The following CFAP20DC variants were observed in gnomAD, a reference collection of about 807,000 sequenced individuals.
The protein encoded by CFAP20DC is CFAP20 domain containing.
A neutral mutation model predicts 101.7 loss-of-function variants in CFAP20DC; 84 were observed. That is an observed-to-expected ratio of 0.83 (90% CI 0.69 to 0.99). The LOEUF is 0.99. Ranked by LOEUF, CFAP20DC falls within the 50% of genes least tolerant of loss-of-function variation. The pLI, the probability that CFAP20DC is intolerant of heterozygous loss-of-function variation, is 0.00. For missense variants in CFAP20DC, 1,007 were observed against 970.3 expected (o/e 1.04, Z -0.50); for synonymous variants, 359 against 351.2 (o/e 1.02, Z -0.25).
At chr3:59,028,032 C>A (rs1305787197) in intron 4 of CFAP20DC, among the ~76,000 whole-genome samples, 1 of 152,156 alleles carries the variant, frequency 6.6e-6, no homozygotes, top group African/African-American at 2.4e-5. Context: ...GTTGACACCT[C>A]GACCCTGAAA....
intron 6 of CFAP20DC, among the ~76,000 whole-genome samples, chr3:58,887,656 G>A (rs3896363): frequency 0.1 from 15,197 of 152,148 alleles, 2,512 homozygotes; most frequent in African/African-American, 0.35. Flanking sequence ...AATCTTAAAC[G>A]TGGTTGACAT....
At position 58,836,525 on chromosome 3, in the gene CFAP20DC, C is replaced by T. The variant is rs149276627; in HGVS notation, c.1972-4636G>A. Among the ~76,000 whole-genome samples the T allele has an allele frequency of 7.2e-4, 110 of 152,166 alleles. 2 individuals are homozygous for T. The East Asian group carries it at 0.02, about 27-fold the overall frequency. ...AGTGGAGGTGTGGAGAAAAATGAGACATGGCCATGGGATAAGATCAGACCA... is the reference window on the plus strand; with the variant it reads ...AGTGGAGGTGTGGAGAAAAATGAGATATGGCCATGGGATAAGATCAGACCA... On this transcript the variant is annotated intron_variant, in intron 13 of 16. Coordinates refer to ENST00000482387, the MANE Select transcript of CFAP20DC (RefSeq NM_001394063.1).
At chr3:58,758,914 C>T (rs1044433395) in intron 15 of CFAP20DC, among the ~76,000 whole-genome samples, 2 of 152,116 alleles carry the variant, frequency 1.3e-5, no homozygotes, top group Non-Finnish European at 1.5e-5. Context: ...ATATGTGCCA[C>T]ATTTTCTTAA....
intron 4 of CFAP20DC, among the ~76,000 whole-genome samples, chr3:58,965,861 A>G (rs60350522): frequency 0.017 from 2,577 of 152,322 alleles, 69 homozygotes; most frequent in African/African-American, 0.058. Context: ...CGTGGCATAG[A>G]TGAAGAAGCA....
In CFAP20DC at chr3:58,809,767, G is replaced by A. The variant is rs191582492; in HGVS notation, c.2176-3311C>T. On this transcript the variant is annotated intron_variant, in intron 14 of 16. Transcript: ENST00000482387. Reference sequence around the variant, plus strand: ...TCAAAAATTAATGAATCCAGGAGCTGGTTTTTTGAAAGGATCAACAAAATT... The same window carrying A: ...TCAAAAATTAATGAATCCAGGAGCTAGTTTTTTGAAAGGATCAACAAAATT... Among the ~76,000 whole-genome samples, 855 of 152,180 alleles carry A rather than the reference G, an allele frequency of 5.6e-3. 5 individuals are homozygous for A. Among genetic ancestry groups the A allele is most frequent in the African/African-American group, 0.02 (822 of 41,522 alleles).
At chr3:58,809,532 CT>C (rs2107768431) in intron 14 of CFAP20DC, among the ~76,000 whole-genome samples, 1 of 152,088 alleles carries the variant, frequency 6.6e-6, no homozygotes, top group South Asian at 2.1e-4. Flanking sequence ...ATACCAGAAT[CT>C]CTGGGACGCA....
At chr3:58,889,334 C>G (rs3845228) in intron 6 of CFAP20DC, among the ~76,000 whole-genome samples, 1 of 152,088 alleles carries the variant, frequency 6.6e-6, no homozygotes, top group Non-Finnish European at 1.5e-5. Flanking sequence ...CCAATAGAAG[C>G]AGTATGAAAC....
chr3:58,929,853 TATG>T (rs2086395240), intron 5 of CFAP20DC, among the ~76,000 whole-genome samples: 1 of 152,206 alleles, frequency 6.6e-6, no homozygotes, highest in African/African-American at 2.4e-5. Context: ...TGAAGTTACT[TATG>T]ATTGCCACGC....
At chr3:58,806,276 A>C in intron 15 of CFAP20DC, 119 bp downstream of exon 15, 1 of 699,166 alleles carries the variant, frequency 1.4e-6, no homozygotes, top group Non-Finnish European at 2.5e-6. Flanking sequence ...AGGACTTTGA[A>C]AGAACATAAG....
chr3:58,735,268 C>T (rs776936592), intron 3 of CFAP20DC, among the ~76,000 whole-genome samples: 1 of 152,186 alleles, frequency 6.6e-6, no homozygotes, highest in African/African-American at 2.4e-5. Flanking sequence ...TATAATCTGA[C>T]ACCTGGGAAC....
intron 8 of CFAP20DC, 53 bp downstream of exon 8, chr3:58,870,120 T>C: frequency 1.1e-6 from 1 of 893,570 alleles, no homozygotes; most frequent in East Asian, 5.1e-5. Context: ...GAAGACACTC[T>C]TCCCTTACCA....
chr3:58,725,642 A>G (rs1575514001), intron 3 of CFAP20DC, among the ~76,000 whole-genome samples: 1 of 152,352 alleles, frequency 6.6e-6, no homozygotes, highest in Middle Eastern at 3.4e-3. Context: ...CAAAGGTGAA[A>G]CAGGGCTTTT....
chr3:58,807,856 G>A (rs1484405155), intron 14 of CFAP20DC, among the ~76,000 whole-genome samples: 1 of 152,192 alleles, frequency 6.6e-6, no homozygotes, highest in Non-Finnish European at 1.5e-5. Flanking sequence ...AACCAATACA[G>A]AGAAGTGCTT....
intron 15 of CFAP20DC, among the ~76,000 whole-genome samples, chr3:58,785,147 G>A (rs1263173424): frequency 3.3e-5 from 5 of 152,058 alleles, no homozygotes; most frequent in African/African-American, 1.2e-4. Context: ...GGTGGGACCA[G>A]AGGTCGTTAT....
intron 4 of CFAP20DC, among the ~76,000 whole-genome samples, chr3:58,983,780 T>C (rs986497479): frequency 6.6e-6 from 1 of 152,182 alleles, no homozygotes; most frequent in African/African-American, 2.4e-5. Context: ...AGCAACCCCA[T>C]GGGATATGTC....
chr3:59,040,840 A>G (rs1699308726), intron 3 of CFAP20DC, among the ~76,000 whole-genome samples: 1 of 152,082 alleles, frequency 6.6e-6, no homozygotes, highest in Non-Finnish European at 1.5e-5. Context: ...TTTATCAAAC[A>G]TACAGGGATA....
chr3:58,758,423 A>G (rs2069164565), intron 15 of CFAP20DC, among the ~76,000 whole-genome samples: 1 of 152,012 alleles, frequency 6.6e-6, no homozygotes, highest in African/African-American at 2.4e-5. Context: ...TTGGCTTCTT[A>G]CCCAGACACC....
At chr3:59,024,977 T>C (rs2093868164) in intron 4 of CFAP20DC, among the ~76,000 whole-genome samples, 1 of 152,186 alleles carries the variant, frequency 6.6e-6, no homozygotes, top group Non-Finnish European at 1.5e-5. Flanking sequence ...TTGTCTTCAA[T>C]CATCACTGTT....
chr3:59,046,115 C>T lies in CFAP20DC; in HGVS notation c.205+114G>A, dbSNP rs563694275. ...CTCTAAATTAAAAAAAAAATTCTAT[C>T]ATCTTACATAAATAGATGTCAGTAG... On this transcript the variant is annotated intron_variant, in intron 3 of 16. Coordinates refer to ENST00000482387, the MANE Select transcript of CFAP20DC (RefSeq NM_001394063.1). The T allele has an allele frequency of 3.9e-5, 28 of 725,196 alleles. No homozygotes were observed. The South Asian group carries it at 4.5e-4, about 12-fold the overall frequency. 44.9% of individuals were successfully genotyped at this position (725,196 alleles called of 1,614,324 possible).
Sources: allele counts gnomAD v4.1 joint callset (sites outside exome capture counted in the v4.1 genomes callset), GRCh38; gene constraint gnomAD v4.1.1; transcripts MANE v1.5; gene names NCBI Gene and HGNC (gene_info 2026-07-23, HGNC 2026-07-21).